Variants in TBCD observed in about 807,000 individuals in gnomAD.
TBCD encodes the protein tubulin folding cofactor D.
In TBCD, 105 loss-of-function variants were observed where a neutral mutation model predicts 169.3. The ratio of observed to expected loss-of-function variants is 0.62; its 90% CI spans 0.53 to 0.73. The LOEUF is 0.73. Ranked by LOEUF, TBCD falls within the 30% of genes least tolerant of loss-of-function variation. The pLI, the probability that TBCD is intolerant of heterozygous loss-of-function variation, is 0.00. For missense variants in TBCD, 1,444 were observed against 1,600.1 expected (o/e 0.90, Z 1.66); for synonymous variants, 700 against 643.9 (o/e 1.09, Z -1.32).
At chr17:82,861,796 G>T (rs1250708603) in intron 13 of TBCD, among the ~76,000 whole-genome samples, 1 of 152,148 alleles carries the variant, frequency 6.6e-6, no homozygotes, top group Admixed American at 6.5e-5. Context: ...TTTTAATAGG[G>T]AATTTTCTAG....
chr17:82,855,971 G>T (rs560081830), intron 13 of TBCD, among the ~76,000 whole-genome samples: 1 of 109,242 alleles, frequency 9.2e-6, no homozygotes, highest in African/African-American at 3.6e-5. Context: ...ATATTGCTTT[G>T]TATGGGTAGA....
intron 8 of TBCD, among the ~76,000 whole-genome samples, chr17:82,799,597 C>T (rs574686224): frequency 2.6e-5 from 4 of 152,300 alleles, no homozygotes; most frequent in African/African-American, 4.8e-5. Flanking sequence ...TGCGAGTTTT[C>T]GTGTGCAGCC....
At chr17:82,836,079 A>C (rs181039352) in intron 13 of TBCD, among the ~76,000 whole-genome samples, 1 of 151,634 alleles carries the variant, frequency 6.6e-6, no homozygotes, top group East Asian at 1.9e-4. Context: ...CTGTCTTTCT[A>C]ATTTCCCCCT....
chr17:82,923,275 T>C lies in TBCD; in HGVS notation c.2179-377T>C, dbSNP rs1568052031. On this transcript the variant is annotated intron_variant, in intron 25 of 38. Transcript: ENST00000355528. The surrounding 1 kb of genome is among the most constrained non-coding windows in gnomAD (Gnocchi z 4.6). The stretch of plus-strand genomic sequence containing the variant: ...GGTTATCCATTCAGTTTCTTAGTTG[T>C]AGTGGTAGTAAAGTGATGCGTGTAT... Among the ~76,000 whole-genome samples, 2 of 152,116 alleles carry C rather than the reference T, an allele frequency of 1.3e-5. No homozygotes were observed. Among genetic ancestry groups the C allele is most frequent in the Non-Finnish European group, 2.9e-5 (2 of 67,934 alleles).
chr17:82,832,557 C>G lies in TBCD; in HGVS notation c.1318+17623C>G. ...AAAGAGGCACCTCCCGCTTTGCTTT[C>G]TTTCCCGATCACTTCTATCAGAAGC... On this transcript the variant is annotated intron_variant, in intron 13 of 38. Coordinates refer to ENST00000355528, the MANE Select transcript of TBCD (RefSeq NM_005993.5). The surrounding 1 kb of genome is among the most constrained non-coding windows in gnomAD (Gnocchi z 4.9). 1 of 1,049,582 alleles carries G rather than the reference C, an allele frequency of 9.5e-7. No individual in the cohort carries two copies. The highest frequency in any genetic ancestry group is 1.4e-6 in the Non-Finnish European group (1 of 694,530). The allele number at this position is 1,049,582 out of a possible 1,614,324, so 65.0% of individuals were successfully genotyped here.
chr17:82,766,393 G>A (rs376955118), intron 4 of TBCD, 25 bp downstream of exon 4: 62 of 1,572,714 alleles, frequency 3.9e-5, no homozygotes, highest in South Asian at 1.0e-4. Flanking sequence ...CTCCCCCCTC[G>A]TCTCCAGCCC....
At chr17:82,939,621 TTACAAGGCAGCCG>T (rs1167606524) in intron 37 of TBCD, 145 bp downstream of exon 37, 1 of 683,420 alleles carries the variant, frequency 1.5e-6, no homozygotes, top group Non-Finnish European at 2.5e-6. Flanking sequence ...TGCTTAGGTT[TTACAAGGCAGCCG>T]TGCTGCTGTA....
At chr17:82,792,357 G>GCGCGCACACA (rs1555684059) in intron 7 of TBCD, among the ~76,000 whole-genome samples, 4 of 145,666 alleles carry the variant, frequency 2.7e-5, no homozygotes, top group African/African-American at 9.9e-5. Flanking sequence ...ATACATGTGT[G>GCGCGCACACA]CACACACACA....
At chr17:82,758,648 C>CTTTTTTTTTTTCTTTTTT (rs2047573466) in intron 2 of TBCD, among the ~76,000 whole-genome samples, 1 of 115,028 alleles carries the variant, frequency 8.7e-6, no homozygotes, top group Non-Finnish European at 1.8e-5. Context: ...CACCCTTTTG[C>CTTTTTTTTTTTCTTTTTT]TTTTTTTTTT....
intron 23 of TBCD, chr17:82,914,152 G>C (rs3803768): frequency 0.061 from 9,290 of 152,406 alleles, 438 homozygotes; most frequent in South Asian, 0.23. Context: ...CCTAAACACT[G>C]ATGTGCTTCG....
At chr17:82,906,126 C>G in intron 20 of TBCD, 73 bp downstream of exon 20, 1 of 1,179,494 alleles carries the variant, frequency 8.5e-7, no homozygotes, top group Non-Finnish European at 1.2e-6. Context: ...ACAGTGCTCT[C>G]CAGTTCGAGA....
At position 82,943,779 on chromosome 17, in the gene TBCD, C is replaced by T. The variant is rs2063490550; in HGVS notation, c.*1316C>T. On this transcript the variant is annotated 3_prime_UTR_variant, in exon 39 of 39. Transcript: ENST00000355528. Reference sequence around the variant, plus strand: ...CAATGGTCTTTATACCCTAAAAGAGCCTTGGGTTACATTTTTACGAGATTT... The same window carrying T: ...CAATGGTCTTTATACCCTAAAAGAGTCTTGGGTTACATTTTTACGAGATTT... 1 of 152,186 alleles carries T rather than the reference C, an allele frequency of 6.6e-6. No individual in the cohort carries two copies. Among genetic ancestry groups the T allele is most frequent in the Non-Finnish European group, 1.5e-5 (1 of 68,038 alleles). The allele number at this position is 152,186 out of a possible 1,614,324, so 9.4% of individuals were successfully genotyped here. A position where few individuals can be genotyped will look rare whatever the true frequency, so the allele number is the denominator to read the frequency against.
At chr17:82,879,124 G>A (rs1599153699) in intron 14 of TBCD, among the ~76,000 whole-genome samples, 1 of 125,702 alleles carries the variant, frequency 8.0e-6, no homozygotes, top group South Asian at 2.6e-4. Context: ...ACCACAAGAT[G>A]CACCTGGCTT....
rs2062709977 is a variant in TBCD at position 82,937,271 on chromosome 17, C to A, written c.3192C>A (p.Asp1064Glu). The A allele has an allele frequency of 1.2e-6, 2 of 1,613,924 alleles. No individual in the cohort carries two copies. Among genetic ancestry groups the A allele is most frequent in the East Asian group, 4.5e-5 (2 of 44,884 alleles). Residue 1064 changes from aspartate to glutamate, a missense_variant and splice_region_variant, in exon 35 of 39, where the codon GAC (aspartate) becomes GAA (glutamate). Transcript: ENST00000355528. ...TCTAAAGTGTGTGTTGTTCTTCCAG[C>A]CACCCCTTTGCTGTGAAGTTGCTTG... ...GCFDIFTTEE[D>E]HPFAVKLLAL... is the part of the protein sequence containing the mutation.
chr17:82,924,143 G>T (rs970393932), intron 26 of TBCD, among the ~76,000 whole-genome samples: 2 of 152,108 alleles, frequency 1.3e-5, no homozygotes, highest in African/African-American at 4.8e-5. Context: ...TAGTAGAGAC[G>T]GGGTTTTACT....
At chr17:82,862,267 C>T (rs1353500000) in intron 13 of TBCD, among the ~76,000 whole-genome samples, 3 of 152,164 alleles carry the variant, frequency 2.0e-5, no homozygotes, top group Admixed American at 6.5e-5. Flanking sequence ...TATTTATTTC[C>T]ATCATTTTAT....
Position 82,909,138 on chromosome 17 carries a change from C to T in TBCD, c.1984-147C>T, listed in dbSNP as rs891190930. ...AGGCCATCTGCGTCAGTAGGTGGGC[C>T]TCCGTCCTCAGCCCCCTAGGCGGCT... On this transcript the variant is annotated intron_variant, in intron 21 of 38. Coordinates refer to ENST00000355528, the MANE Select transcript of TBCD (RefSeq NM_005993.5). 2.1e-5 allele frequency: 12 copies of T among 568,054 alleles called. No individual in the cohort carries two copies. In the Middle Eastern group the frequency reaches 9.6e-4, roughly 46 times the overall value. The allele number at this position is 568,054 out of a possible 1,614,324, so 35.2% of individuals were successfully genotyped here. A position where few individuals can be genotyped will look rare whatever the true frequency, so the allele number is the denominator to read the frequency against.
intron 6 of TBCD, among the ~76,000 whole-genome samples, chr17:82,772,774 C>T (rs553311579): frequency 1.3e-5 from 2 of 152,118 alleles, no homozygotes; most frequent in South Asian, 2.1e-4. Context: ...CTGGAAGAGG[C>T]GTGGCTGTCA....
chr17:82,778,277 C>T (rs1402351393), intron 6 of TBCD, among the ~76,000 whole-genome samples: 3 of 152,098 alleles, frequency 2.0e-5, no homozygotes, highest in Non-Finnish European at 2.9e-5. Flanking sequence ...GGCTTGCCGC[C>T]CACAGTATTC....
Sources: gnomAD v4.1 joint callset for allele counts (sites outside exome capture counted in the v4.1 genomes callset) on GRCh38, gnomAD v4.1.1 for gene constraint, Gnocchi (gnomAD v3.1) non-coding constraint, MANE v1.5 for transcripts, NCBI Gene and HGNC (gene_info 2026-07-23, HGNC 2026-07-21) for gene names.